Variants in TMEM163 observed in about 807,000 individuals in gnomAD.
The protein encoded by TMEM163 is transmembrane protein 163.
In TMEM163, 17 loss-of-function variants were observed where a neutral mutation model predicts 29.3. The ratio of observed to expected loss-of-function variants is 0.58; its 90% confidence interval spans 0.40 to 0.87. TMEM163 has a LOEUF of 0.87. Among genes scored for constraint, TMEM163 ranks in the 40% least tolerant of loss-of-function variants. TMEM163 has a pLI of 0.00. For synonymous variants in TMEM163, 157 were observed against 160.6 expected, an observed-to-expected ratio of 0.98 and a Z score of 0.17; for missense variants, 303 against 381.5, an observed-to-expected ratio of 0.79 and a Z score of 1.71.
chr2:134,476,600 T>A (rs1375835014), intron 5 of TMEM163, among the ~76,000 whole-genome samples: 1 of 152,250 alleles, frequency 6.6e-6, no homozygotes, highest in African/African-American at 2.4e-5. Context: ...ATGTTCATGA[T>A]GTTCCTAATG....
chr2:134,660,407 G>A (rs1048918977), intron 2 of TMEM163, among the ~76,000 whole-genome samples: 4 of 152,146 alleles, frequency 2.6e-5, no homozygotes, highest in African/African-American at 9.7e-5. Flanking sequence ...GGGCAGATTC[G>A]AGGCATATTT....
intron 2 of TMEM163, among the ~76,000 whole-genome samples, chr2:134,621,987 A>C (rs1682747640): frequency 6.6e-6 from 1 of 152,202 alleles, no homozygotes; most frequent in Non-Finnish European, 1.5e-5. Flanking sequence ...CAAGCTACTG[A>C]TACTTTCCAC....
intron 2 of TMEM163, among the ~76,000 whole-genome samples, chr2:134,577,591 G>A (rs1681587612): frequency 6.6e-6 from 1 of 152,174 alleles, no homozygotes; most frequent in Non-Finnish European, 1.5e-5. Flanking sequence ...AGGGCCAGGA[G>A]AGAGGGGGCA....
intron 2 of TMEM163, among the ~76,000 whole-genome samples, chr2:134,632,979 C>A (rs897004597): frequency 6.8e-6 from 1 of 146,540 alleles, no homozygotes; most frequent in Non-Finnish European, 1.5e-5. Context: ...GGGATGGTCT[C>A]GATCTCCTGA....
chr2:134,519,788 G>A (rs1193322595), intron 4 of TMEM163, among the ~76,000 whole-genome samples: 5 of 151,374 alleles, frequency 3.3e-5, no homozygotes, highest in Non-Finnish European at 7.4e-5. Context: ...TACTCGAGAC[G>A]CTGAGGCAGG....
intron 5 of TMEM163, among the ~76,000 whole-genome samples, chr2:134,492,067 G>A (rs1041323530): frequency 1.3e-5 from 2 of 152,174 alleles, no homozygotes; most frequent in African/African-American, 2.4e-5. Flanking sequence ...TTCAGCAAAG[G>A]CTCCTCTTGC....
intron 4 of TMEM163, among the ~76,000 whole-genome samples, chr2:134,544,703 G>A (rs780683442): frequency 2.0e-5 from 3 of 152,204 alleles, no homozygotes; most frequent in Admixed American, 6.5e-5. Context: ...GCTGAGGCAG[G>A]AGAATTGCTT....
At position 134,490,805 on chromosome 2, in the gene TMEM163, C is replaced by T. The variant is rs747296540; in HGVS notation, c.555+12096G>A. Among the ~76,000 whole-genome samples the T allele has an allele frequency of 5.3e-5, 8 of 151,990 alleles. No homozygotes were observed. In the East Asian group the frequency reaches 9.7e-4, roughly 18 times the overall value. On this transcript the variant is annotated intron_variant, in intron 5 of 7. Coordinates refer to ENST00000281924, the MANE Select transcript of TMEM163 (RefSeq NM_030923.5). ...CATGACCGCTAGAGCTCACAGACGC[C>T]GCTTTGCTGTGCTAGGGTGTATTGT...
chr2:134,478,093 C>G (rs184954215), intron 5 of TMEM163, among the ~76,000 whole-genome samples: 1 of 152,174 alleles, frequency 6.6e-6, no homozygotes, highest in Non-Finnish European at 1.5e-5. Context: ...CTGCTCTCAC[C>G]GTGTGATTCC....
intron 4 of TMEM163, among the ~76,000 whole-genome samples, chr2:134,533,144 A>C (rs2106499919): frequency 6.6e-6 from 1 of 152,348 alleles, no homozygotes; most frequent in Non-Finnish European, 1.5e-5. Context: ...AACATAAAAG[A>C]GCAAGAAATG....
chr2:134,609,915 G>A (rs1186546255), intron 2 of TMEM163, among the ~76,000 whole-genome samples: 1 of 152,138 alleles, frequency 6.6e-6, no homozygotes, highest in Non-Finnish European at 1.5e-5. Flanking sequence ...CTGTGCTGGT[G>A]AAAAGGGCAC....
intron 2 of TMEM163, among the ~76,000 whole-genome samples, chr2:134,568,685 G>A (rs1574244786): frequency 6.9e-6 from 1 of 144,880 alleles, no homozygotes; most frequent in South Asian, 2.2e-4. Context: ...GGAAAGAAAA[G>A]AAAAAAGGAA....
chr2:134,456,497 G>A lies in TMEM163; in HGVS notation c.*219C>T, dbSNP rs918490684. On this transcript the variant is annotated 3_prime_UTR_variant, in exon 8 of 8. Transcript: ENST00000281924. Reference sequence around the variant, plus strand: ...CCAGTCCCAGCTGGAGACGGGGAAGGAGGTCCATTCCTATGGGCATTGTCC... The same window carrying A: ...CCAGTCCCAGCTGGAGACGGGGAAGAAGGTCCATTCCTATGGGCATTGTCC... The A allele has an allele frequency of 5.2e-6, 3 of 577,544 alleles. No individual in the cohort carries two copies. Among genetic ancestry groups the A allele is most frequent in the African/African-American group, 3.7e-5 (2 of 53,508 alleles). The allele number at this position is 577,544 out of a possible 1,614,324, so 35.8% of individuals were successfully genotyped here.
At chr2:134,510,007 T>G (rs951926175) in intron 4 of TMEM163, among the ~76,000 whole-genome samples, 5 of 152,156 alleles carry the variant, frequency 3.3e-5, no homozygotes, top group African/African-American at 1.2e-4. Context: ...ATGCTGTTCC[T>G]GGAGCATTTG....
chr2:134,664,163 G>A (rs190598609), intron 2 of TMEM163, among the ~76,000 whole-genome samples: 69 of 152,328 alleles, frequency 4.5e-4, no homozygotes, highest in African/African-American at 1.5e-3. Context: ...CCCTCACAGC[G>A]AGTACCTCTG....
At chr2:134,516,974 T>C (rs192438339) in intron 4 of TMEM163, among the ~76,000 whole-genome samples, 3 of 152,192 alleles carry the variant, frequency 2.0e-5, no homozygotes, top group East Asian at 3.9e-4. Context: ...ATGTGTTTAG[T>C]GGATTAGTTT....
At chr2:134,664,993 T>A (rs1683841818) in intron 2 of TMEM163, among the ~76,000 whole-genome samples, 1 of 151,946 alleles carries the variant, frequency 6.6e-6, no homozygotes, top group Admixed American at 6.6e-5. Flanking sequence ...CCACCTCAGC[T>A]CCCCTGAGGA....
At chr2:134,537,151 G>A (rs1680559287) in intron 4 of TMEM163, among the ~76,000 whole-genome samples, 3 of 152,202 alleles carry the variant, frequency 2.0e-5, no homozygotes, top group Admixed American at 2.0e-4. Flanking sequence ...ATCAGAGGCT[G>A]ATGGCCCTAA....
At chr2:134,610,124 C>T (rs564748327) in intron 2 of TMEM163, among the ~76,000 whole-genome samples, 63 of 152,320 alleles carry the variant, frequency 4.1e-4, no homozygotes, top group African/African-American at 1.5e-3. Flanking sequence ...ATCCAGACAC[C>T]TCTTCTGACA....
Sources: gnomAD v4.1 joint callset for allele counts (sites outside exome capture counted in the v4.1 genomes callset) on GRCh38, gnomAD v4.1.1 for gene constraint, MANE v1.5 for transcripts, NCBI Gene and HGNC (gene_info 2026-07-23, HGNC 2026-07-21) for gene names.